The following LGR6 variants were observed in gnomAD, a reference collection of about 807,000 sequenced individuals.
The protein encoded by LGR6 is leucine-rich repeat-containing G protein-coupled receptor 6.
In LGR6, 45 loss-of-function variants were observed where a neutral mutation model predicts 69.4. That is an observed-to-expected ratio of 0.65 (90% CI 0.51 to 0.83). The LOEUF is 0.83. Among genes scored for constraint, LGR6 ranks in the 40% least tolerant of loss-of-function variants. The probability of loss-of-function intolerance (pLI) is 0.00; values close to 1 mark genes in which losing one functional copy is unlikely to be tolerated. For synonymous variants in LGR6, 538 were observed against 555.0 expected (o/e 0.97, Z 0.43); for missense variants, 1,108 against 1,246.7 (o/e 0.89, Z 1.68).
At chr1:202,259,911 A>G (rs909795270) in intron 4 of LGR6, among the ~76,000 whole-genome samples, 1 of 152,184 alleles carries the variant, frequency 6.6e-6, no homozygotes, top group Admixed American at 6.5e-5. Flanking sequence ...GCTGTCAGCA[A>G]TCACGGTCCT....
chr1:202,318,548 G>A lies in LGR6; in HGVS notation c.2245G>A (p.Gly749Ser), dbSNP rs1189251504. The A allele has an allele frequency of 9.9e-6, 16 of 1,614,040 alleles. No homozygotes were observed. The highest frequency in any genetic ancestry group is 1.6e-4 in the Middle Eastern group (1 of 6,062). The change falls in exon 18 of 18, where the codon GGT becomes AGT. Residue 749 changes from glycine (G) to serine (S), a missense_variant. By Grantham distance (56) the Gly-to-Ser change is moderately conservative. Coordinates refer to ENST00000367278, the MANE Select transcript of LGR6 (RefSeq NM_001017403.2). ...CTCCTTCTGTTTCCTGGTCGTGGCC[G>A]GTGCCTACATCAAACTGTACTGTGA... Reference protein sequence around the residue: ...MNSFCFLVVAGAYIKLYCDLP... With the variant: ...MNSFCFLVVASAYIKLYCDLP...
intron 2 of LGR6, among the ~76,000 whole-genome samples, chr1:202,226,533 G>A (rs1403569115): frequency 2.0e-5 from 3 of 152,052 alleles, no homozygotes; most frequent in African/African-American, 4.8e-5. Context: ...CCAGGGATGC[G>A]GTCAACCTGC....
rs759723264 is a variant in LGR6, at chr1:202,319,758, A to G, written c.*551A>G. ...AGTGTAATAAAGAGATAAGTCCTAC[A>G]GTAGTAAAATCTATTGAACTTTGTT... is the stretch of plus-strand genomic sequence containing the variant. On this transcript the variant is annotated 3_prime_UTR_variant, in exon 18 of 18. Transcript: ENST00000367278. The G allele has an allele frequency of 2.0e-5, 3 of 152,716 alleles. No homozygotes were observed. The highest frequency in any genetic ancestry group is 4.8e-5 in the African/African-American group (2 of 41,476). The allele number at this position is 152,716 out of a possible 1,614,324, so 9.5% of individuals were successfully genotyped here. A position where few individuals can be genotyped will look rare whatever the true frequency, so the allele number is the denominator to read the frequency against.
At position 202,252,985 on chromosome 1, in the gene LGR6, A is replaced by G. The variant is rs16849805; in HGVS notation, c.428+16992A>G. Among the ~76,000 whole-genome samples the G allele has an allele frequency of 3.5e-3, 540 of 152,376 alleles. 5 individuals carry two copies. Among genetic ancestry groups the G allele is most frequent in the African/African-American group, 0.012 (517 of 41,596 alleles). The stretch of plus-strand genomic sequence containing the variant: ...GCTTCAACGCACCCAGCAGGAAGAC[A>G]TTCTGACACTCTCGAGTCATGGCTC... On this transcript the variant is annotated intron_variant, in intron 4 of 17. Transcript: ENST00000367278.
rs914919255 is a variant in LGR6 at position 202,306,855 on chromosome 1, C to T, written c.1137-13C>T. The T allele has an allele frequency of 6.2e-7, 1 of 1,613,742 alleles. No individual in the cohort carries two copies. The highest frequency in any genetic ancestry group is 8.5e-7 in the Non-Finnish European group (1 of 1,179,838). ...GAGCCTGCCGGCTCATCCAGCCTCT[C>T]TTGCTGCCCTAGCGGCCTCCAACAC... is the stretch of plus-strand genomic sequence containing the variant. On this transcript the variant is annotated splice_polypyrimidine_tract_variant and intron_variant, in intron 12 of 17. Transcript: ENST00000367278.
chr1:202,300,970 G>A, intron 8 of LGR6, 50 bp downstream of exon 8: 2 of 1,509,358 alleles, frequency 1.3e-6, no homozygotes, highest in South Asian at 1.2e-5. Flanking sequence ...GTTTCAGGGA[G>A]GAGGACAGAG....
chr1:202,308,975 G>A, intron 14 of LGR6, 76 bp from the exon 15 acceptor site: 1 of 1,560,938 alleles, frequency 6.4e-7, no homozygotes, highest in Non-Finnish European at 8.7e-7. Context: ...AGGCACACTG[G>A]CCACATTCTC....
chr1:202,306,688 C>A, intron 12 of LGR6, 180 bp from the exon 13 acceptor site: 1 of 668,074 alleles, frequency 1.5e-6, no homozygotes, highest in Non-Finnish European at 2.6e-6. Context: ...ACCCACTTAC[C>A]CAAGGCAACC....
intron 4 of LGR6, among the ~76,000 whole-genome samples, chr1:202,270,999 G>A (rs1045577284): frequency 6.6e-6 from 1 of 152,200 alleles, no homozygotes; most frequent in South Asian, 2.1e-4. Context: ...TGGCCTGTGA[G>A]GTCCCTGCTA....
At chr1:202,212,541 C>T (rs1205686618) in intron 1 of LGR6, among the ~76,000 whole-genome samples, 1 of 152,206 alleles carries the variant, frequency 6.6e-6, no homozygotes, top group Non-Finnish European at 1.5e-5. Flanking sequence ...TAGGGGAGAA[C>T]CCACTGCGTG....
intron 4 of LGR6, among the ~76,000 whole-genome samples, chr1:202,265,582 AG>A (rs1558047503): frequency 6.6e-6 from 1 of 152,202 alleles, no homozygotes; most frequent in African/African-American, 2.4e-5. Context: ...AGGGCAGGAG[AG>A]AGGTGAACAG....
intron 4 of LGR6, among the ~76,000 whole-genome samples, chr1:202,266,097 T>C (rs1664622489): frequency 8.0e-6 from 1 of 124,682 alleles, no homozygotes; most frequent in Non-Finnish European, 1.7e-5. Context: ...CTAATAATAC[T>C]TTCCAGATTA....
chr1:202,252,127 A>G (rs1663311322), intron 4 of LGR6, among the ~76,000 whole-genome samples: 2 of 151,942 alleles, frequency 1.3e-5, no homozygotes, highest in South Asian at 4.2e-4. Context: ...AGCTGGGGCA[A>G]ATCTTCCCCT....
At chr1:202,216,097 C>CTGATG (rs1259850150) in intron 1 of LGR6, among the ~76,000 whole-genome samples, 1 of 152,182 alleles carries the variant, frequency 6.6e-6, no homozygotes, top group African/African-American at 2.4e-5. Context: ...AGCATAGTGC[C>CTGATG]TGATGTATAC....
At position 202,274,987 on chromosome 1, in the gene LGR6, G is replaced by T. The variant is rs796892850; in HGVS notation, c.429-1319G>T. On this transcript the variant is annotated intron_variant, in intron 4 of 17. Coordinates refer to ENST00000367278, the MANE Select transcript of LGR6 (RefSeq NM_001017403.2). ...CTGGTGAACTAGGGAGTGTTTCCCA[G>T]TGGTGCTTGAGGTCTTCACAGAGAG... Among the ~76,000 whole-genome samples the T allele has an allele frequency of 3.3e-5, 5 of 152,222 alleles. No individual in the cohort carries two copies. In the South Asian group the frequency reaches 6.2e-4, roughly 19 times the overall value.
chr1:202,302,866 A>G (rs1667709508), intron 9 of LGR6, among the ~76,000 whole-genome samples: 1 of 152,134 alleles, frequency 6.6e-6, no homozygotes, highest in Non-Finnish European at 1.5e-5. Context: ...TAGTTCTAAT[A>G]AAGTTCCAGC....
intron 1 of LGR6, chr1:202,214,328 T>G: frequency 7.7e-7 from 1 of 1,306,610 alleles, no homozygotes; most frequent in Admixed American, 3.4e-5. Context: ...ACGCGACGGG[T>G]GGGGCGCTAC....
At chr1:202,245,441 G>A (rs71635577) in intron 4 of LGR6, among the ~76,000 whole-genome samples, 3 of 152,154 alleles carry the variant, frequency 2.0e-5, no homozygotes, top group Non-Finnish European at 4.4e-5. Context: ...CGTAAATGCC[G>A]GTCTGGGACA....
chr1:202,297,758 C>A (rs1667272284), intron 7 of LGR6, among the ~76,000 whole-genome samples, 182 bp downstream of exon 7: 1 of 147,860 alleles, frequency 6.8e-6, no homozygotes, highest in Admixed American at 7.0e-5. Flanking sequence ...TAGTCCCAGG[C>A]CTCATTAGCT....
Sources: allele counts gnomAD v4.1 joint callset (sites outside exome capture counted in the v4.1 genomes callset), GRCh38; gene constraint gnomAD v4.1.1; transcripts MANE v1.5; gene names NCBI Gene and HGNC (gene_info 2026-07-23, HGNC 2026-07-21).